The following MAF variants were observed in gnomAD, a reference collection of about 807,000 sequenced individuals.
MAF encodes MAF bZIP transcription factor, also known as transcription factor Maf.
MAF carries 10 observed loss-of-function variants against 22.0 expected under a neutral mutation model. That is an observed-to-expected ratio of 0.45 (90% CI 0.28 to 0.77). The LOEUF is 0.77. MAF is among the 30% of genes least tolerant of loss of function. MAF has a pLI of 0.12. For synonymous variants in MAF, 337 were observed against 255.8 expected (o/e 1.32, Z -3.03); for missense variants, 544 against 548.4 (o/e 0.99, Z 0.08).
the MAF span, among the ~76,000 whole-genome samples, chr16:79,409,845 T>C: frequency 6.6e-6 from 1 of 152,184 alleles, no homozygotes; most frequent in Admixed American, 6.5e-5. Context: ...ACTAATCCCA[T>C]AGCCACTAGC....
the MAF span, among the ~76,000 whole-genome samples, chr16:79,576,565 A>C: frequency 6.6e-6 from 1 of 151,072 alleles, no homozygotes; most frequent in African/African-American, 2.4e-5. Context: ...TTTTTTTCAG[A>C]GGAGGGCAGC....
At chr16:79,429,888 A>G in the MAF span, among the ~76,000 whole-genome samples, 1 of 152,122 alleles carries the variant, frequency 6.6e-6, no homozygotes, top group Non-Finnish European at 1.5e-5. Flanking sequence ...CATAATTTGT[A>G]GGTCTTGCTG....
rs1237383190 is a variant in MAF at position 79,599,192 on chromosome 16, CCCGCCGCCT to C, written c.702_710del (p.Gly236_Gly238del). ...GGGCGCCCCCCGCCCCCGCCGCGCC[CCCGCCGCCT>C]CCGCCGCCGCCGCCGCCGCCGCCGC... On this transcript the variant is annotated inframe_deletion, in exon 1 of 2. Coordinates refer to ENST00000326043, the MANE Select transcript of MAF (RefSeq NM_005360.5). 147 of 1,026,626 alleles carry C rather than the reference CCCGCCGCCT, an allele frequency of 1.4e-4. No individual in the cohort carries two copies. Among genetic ancestry groups the C allele is most frequent in the African/African-American group, 1.6e-4 (9 of 57,824 alleles). The allele number at this position is 1,026,626 out of a possible 1,614,324, so 63.6% of individuals were successfully genotyped here.
At chr16:79,287,968 C>T in the MAF span, among the ~76,000 whole-genome samples, 1 of 152,232 alleles carries the variant, frequency 6.6e-6, no homozygotes, top group Non-Finnish European at 1.5e-5. Context: ...TGCCAAACAA[C>T]ATGTGCCATA....
At chr16:79,433,337 C>T in the MAF span, among the ~76,000 whole-genome samples, 12 of 149,816 alleles carry the variant, frequency 8.0e-5, no homozygotes, top group East Asian at 2.0e-4. Flanking sequence ...AGAAGATTAA[C>T]GGGACGATGG....
the MAF span, among the ~76,000 whole-genome samples, chr16:79,224,594 T>G: frequency 1.3e-5 from 2 of 152,198 alleles, no homozygotes; most frequent in South Asian, 2.1e-4. Context: ...ATGACATGAT[T>G]GCATATTTAG....
At chr16:79,225,995 G>A in the MAF span, among the ~76,000 whole-genome samples, 1 of 152,302 alleles carries the variant, frequency 6.6e-6, no homozygotes, top group East Asian at 1.9e-4. Flanking sequence ...TCTAGAACTA[G>A]AAATACCATT....
chr16:79,276,851 C>T, the MAF span, among the ~76,000 whole-genome samples: 1 of 152,220 alleles, frequency 6.6e-6, no homozygotes, highest in Non-Finnish European at 1.5e-5. Flanking sequence ...ATCGAGGTGT[C>T]GGCAGGGCTG....
chr16:79,465,025 C>T, the MAF span, among the ~76,000 whole-genome samples: 1 of 152,140 alleles, frequency 6.6e-6, no homozygotes, highest in Non-Finnish European at 1.5e-5. Context: ...GGATAGTCAT[C>T]CAGATCTCAA....
the MAF span, among the ~76,000 whole-genome samples, chr16:79,391,395 C>G: frequency 6.6e-6 from 1 of 152,130 alleles, no homozygotes; most frequent in Non-Finnish European, 1.5e-5. Context: ...GAGGCCCAAG[C>G]AGAGCCACAG....
chr16:79,577,494 C>A, the MAF span, among the ~76,000 whole-genome samples: 1 of 152,068 alleles, frequency 6.6e-6, no homozygotes. Context: ...TGTTACAGGT[C>A]AAAGATGGCA....
At chr16:79,532,143 C>T in the MAF span, among the ~76,000 whole-genome samples, 1 of 152,162 alleles carries the variant, frequency 6.6e-6, no homozygotes, top group South Asian at 2.1e-4. Context: ...AACTGGGCAT[C>T]TTGTGACTTT....
chr16:79,239,354 C>T, the MAF span, among the ~76,000 whole-genome samples: 2 of 151,930 alleles, frequency 1.3e-5, no homozygotes, highest in African/African-American at 4.8e-5. Context: ...GTGGGACAGT[C>T]CACGCTGAAA....
At position 79,599,607 on chromosome 16, in the gene MAF, T is replaced by G; in HGVS notation, c.296A>C (p.Gln99Pro). The G allele has an allele frequency of 6.2e-7, 1 of 1,610,222 alleles. No homozygotes were observed. The highest frequency in any genetic ancestry group is 8.5e-7 in the Non-Finnish European group (1 of 1,179,002). Residue 99 changes from glutamine to proline, a missense_variant, in exon 1 of 2, where the codon CAG (glutamine) becomes CCG (proline). By Grantham distance (76) the Gln-to-Pro change is moderately conservative. Coordinates refer to ENST00000326043, the MANE Select transcript of MAF (RefSeq NM_005360.5). ...GCCCAGCGCCTCGGGGTTCAGCTGC[T>G]GCGGGTAGCCGGTCATCCAGTAGTA... ...EDYYWMTGYP[Q>P]QLNPEALGFS...
the MAF span, among the ~76,000 whole-genome samples, chr16:79,216,344 G>A: frequency 6.6e-6 from 1 of 152,190 alleles, no homozygotes; most frequent in Non-Finnish European, 1.5e-5. Flanking sequence ...GCACATATAT[G>A]TATTGCATAT....
At chr16:79,368,447 C>G in the MAF span, among the ~76,000 whole-genome samples, 1,645 of 152,212 alleles carry the variant, frequency 0.011, 36 homozygotes, top group African/African-American at 0.038. Context: ...AGTGATCCAT[C>G]TGATTTGCAG....
Position 79,599,911 on chromosome 16 carries a change from C to T in MAF, c.-9G>A, listed in dbSNP as rs371355137. 1 of 95,888 alleles carries T rather than the reference C, an allele frequency of 1.0e-5. No individual in the cohort carries two copies. 5.9% of individuals were successfully genotyped at this position (95,888 alleles called of 1,614,324 possible). A position where few individuals can be genotyped will look rare whatever the true frequency, so the allele number is the denominator to read the frequency against. ...GCCAGTTCTGATGCCATTCTCCTGCCGCCGCCGCCGCCGCCGCCGCCGCTC... is the reference window on the plus strand; with the variant it reads ...GCCAGTTCTGATGCCATTCTCCTGCTGCCGCCGCCGCCGCCGCCGCCGCTC... On this transcript the variant is annotated 5_prime_UTR_variant, in exon 1 of 2. Transcript: ENST00000326043.
chr16:79,452,533 A>G, the MAF span, among the ~76,000 whole-genome samples: 4 of 152,204 alleles, frequency 2.6e-5, no homozygotes, highest in Admixed American at 6.5e-5. Flanking sequence ...CAAACACTCT[A>G]TAAGATGACT....
the MAF span, among the ~76,000 whole-genome samples, chr16:79,362,208 A>T: frequency 3.3e-5 from 5 of 152,178 alleles, no homozygotes; most frequent in Non-Finnish European, 7.3e-5. Context: ...ATGTAGACAA[A>T]TGCCTTGAAC....
Sources: allele counts gnomAD v4.1 joint callset (sites outside exome capture counted in the v4.1 genomes callset), GRCh38; gene constraint gnomAD v4.1.1; transcripts MANE v1.5; gene names NCBI Gene and HGNC (gene_info 2026-07-23, HGNC 2026-07-21).